FRMD4A: variants seen among roughly 807,000 people sequenced by gnomAD.
The protein encoded by FRMD4A is FERM domain-containing protein 4A.
In FRMD4A, 29 loss-of-function variants were observed where a neutral mutation model predicts 129.1. The ratio of observed to expected loss-of-function variants is 0.22; its 90% CI spans 0.17 to 0.31. FRMD4A has a LOEUF of 0.31. Ranked by LOEUF, FRMD4A falls within the 10% of genes least tolerant of loss-of-function variation. The pLI is 1.00. For synonymous variants in FRMD4A, 634 were observed against 571.6 expected (o/e 1.11, Z -1.56); for missense variants, 1,272 against 1,375.8 (o/e 0.92, Z 1.19).
intron 6 of FRMD4A, among the ~76,000 whole-genome samples, chr10:13,771,082 T>C (rs1381140812): frequency 1.3e-5 from 2 of 152,026 alleles, no homozygotes; most frequent in African/African-American, 4.8e-5. Context: ...TTACTTAAAC[T>C]CCATTTTTTT....
chr10:14,283,383 AG>A (rs1259692900), intron 2 of FRMD4A, among the ~76,000 whole-genome samples: 1 of 152,230 alleles, frequency 6.6e-6, no homozygotes, highest in African/African-American at 2.4e-5. Context: ...AAAATGTAAA[AG>A]AAACTACATA....
intron 15 of FRMD4A, among the ~76,000 whole-genome samples, chr10:13,687,419 C>T (rs1409492812): frequency 6.6e-6 from 1 of 152,190 alleles, no homozygotes; most frequent in Non-Finnish European, 1.5e-5. Context: ...TGTGTCTTCA[C>T]CTACAAAGAT....
At chr10:14,169,122 C>CATT (rs1841345595) in intron 2 of FRMD4A, among the ~76,000 whole-genome samples, 4 of 208 alleles carry the variant, frequency 0.019, no homozygotes, top group African/African-American at 0.051. Context: ...AAAAATTAAA[C>CATT]ATAAAAATAT....
chr10:14,265,951 T>C (rs891922612), intron 2 of FRMD4A, among the ~76,000 whole-genome samples: 2 of 152,172 alleles, frequency 1.3e-5, no homozygotes, highest in African/African-American at 4.8e-5. Context: ...GGTAAAGACC[T>C]TATCACATAG....
At chr10:14,011,834 C>T (rs2095683506) in intron 2 of FRMD4A, among the ~76,000 whole-genome samples, 1 of 152,024 alleles carries the variant, frequency 6.6e-6, no homozygotes, top group Non-Finnish European at 1.5e-5. Flanking sequence ...CATAGTGAAA[C>T]CCCGTCTCTA....
At position 14,184,394 on chromosome 10, in the gene FRMD4A, G is replaced by T. The variant is rs142753895; in HGVS notation, c.45+145664C>A. Reference sequence around the variant, plus strand: ...AAGTGCTGGGATGGATTACAGGCGTGAGCCACTGCAACTGAACCCATTTTC... The same window carrying T: ...AAGTGCTGGGATGGATTACAGGCGTTAGCCACTGCAACTGAACCCATTTTC... On this transcript the variant is annotated intron_variant, in intron 2 of 24. Coordinates refer to ENST00000357447, the MANE Select transcript of FRMD4A (RefSeq NM_018027.5). Among the ~76,000 whole-genome samples, 93 of 150,546 alleles carry T rather than the reference G, an allele frequency of 6.2e-4. 1 individual carries two copies. Among genetic ancestry groups the T allele is most frequent in the African/African-American group, 2.2e-3 (91 of 41,040 alleles).
intron 3 of FRMD4A, among the ~76,000 whole-genome samples, chr10:13,819,436 C>G (rs1474015142): frequency 6.6e-6 from 1 of 152,180 alleles, no homozygotes; most frequent in Non-Finnish European, 1.5e-5. Context: ...ATCCTGCCTA[C>G]AAATGCTCTC....
At chr10:14,272,795 AC>A (rs989372965) in intron 2 of FRMD4A, among the ~76,000 whole-genome samples, 1 of 152,198 alleles carries the variant, frequency 6.6e-6, no homozygotes, top group African/African-American at 2.4e-5. Flanking sequence ...TTAATCTCTT[AC>A]TTCACAATGG....
chr10:14,236,286 G>A (rs1017189433), intron 2 of FRMD4A, among the ~76,000 whole-genome samples: 2 of 152,250 alleles, frequency 1.3e-5, no homozygotes, highest in Non-Finnish European at 2.9e-5. Flanking sequence ...ATGAAGCGTG[G>A]ATGAAGAGCT....
chr10:13,873,169 A>G (rs10906526), intron 2 of FRMD4A, among the ~76,000 whole-genome samples: 1 of 149,744 alleles, frequency 6.7e-6, no homozygotes, highest in Non-Finnish European at 1.5e-5. Context: ...AGAGAGAGAC[A>G]CTGTCTCAAA....
intron 2 of FRMD4A, among the ~76,000 whole-genome samples, chr10:13,920,042 A>T (rs2095054576): frequency 1.3e-5 from 2 of 152,230 alleles, no homozygotes; most frequent in Admixed American, 6.5e-5. Flanking sequence ...AGCCAATTAG[A>T]ACTTCAGAAA....
chr10:13,858,510 A>T (rs1321125955), intron 3 of FRMD4A, among the ~76,000 whole-genome samples: 1 of 152,226 alleles, frequency 6.6e-6, no homozygotes, highest in African/African-American at 2.4e-5. Flanking sequence ...GGAAGACTAA[A>T]TCAATTTTAG....
At chr10:13,891,526 G>C (rs1331777457) in intron 2 of FRMD4A, 1 of 830,330 alleles carries the variant, frequency 1.2e-6, no homozygotes, top group African/African-American at 1.8e-5. Flanking sequence ...AAGCAGCGGC[G>C]CGTCCCTTTT....
At chr10:13,686,081 C>T (rs1564608985) in intron 15 of FRMD4A, among the ~76,000 whole-genome samples, 1 of 152,066 alleles carries the variant, frequency 6.6e-6, no homozygotes, top group Non-Finnish European at 1.5e-5. Flanking sequence ...GCACACGGTC[C>T]AGCATAAACA....
rs531464161 is a variant in FRMD4A, at chr10:13,808,301, T to C, written c.206+2513A>G. 3.3e-5 allele frequency among the ~76,000 whole-genome samples: 5 copies of C among 152,336 alleles called. No individual in the cohort carries two copies. The South Asian group carries it at 1.0e-3, about 32-fold the overall frequency. On this transcript the variant is annotated intron_variant, in intron 4 of 24. Transcript: ENST00000357447. ...TTGCATTTTACTGTAAAACACACAG[T>C]GTAGCACCTGTATAAAGCACAGACA...
chr10:13,985,822 C>T (rs79463951), intron 2 of FRMD4A, among the ~76,000 whole-genome samples: 3,353 of 152,336 alleles, frequency 0.022, 134 homozygotes, highest in African/African-American at 0.076. Flanking sequence ...TAGCGTACAG[C>T]CGCCCTCTAG....
At position 14,131,789 on chromosome 10, in the gene FRMD4A, C is replaced by T. The variant is rs74316326; in HGVS notation, c.45+198269G>A. 3.8e-3 allele frequency among the ~76,000 whole-genome samples: 574 copies of T among 152,242 alleles called. 4 individuals carry two copies. The highest frequency in any genetic ancestry group is 0.013 in the African/African-American group (521 of 41,548). On this transcript the variant is annotated intron_variant, in intron 2 of 24. Transcript: ENST00000357447. ...GTCTGGCCCTTCCTCTCCTTCCGCTCCCGCTAGAAGCTGTCCTAGCTGGGA... is the reference window on the plus strand; with the variant it reads ...GTCTGGCCCTTCCTCTCCTTCCGCTTCCGCTAGAAGCTGTCCTAGCTGGGA...
chr10:13,800,982 C>T (rs889582423), intron 4 of FRMD4A, among the ~76,000 whole-genome samples: 2 of 152,222 alleles, frequency 1.3e-5, no homozygotes, highest in Admixed American at 1.3e-4. Flanking sequence ...GGTACAGTGG[C>T]TCATGCCTGT....
chr10:13,804,303 C>T (rs911113188), intron 4 of FRMD4A, among the ~76,000 whole-genome samples: 8 of 152,164 alleles, frequency 5.3e-5, no homozygotes, highest in African/African-American at 1.9e-4. Flanking sequence ...GTTTCTTCTG[C>T]CACTGGAAAA....
Sources: allele counts gnomAD v4.1 joint callset (sites outside exome capture counted in the v4.1 genomes callset), GRCh38; gene constraint gnomAD v4.1.1; transcripts MANE v1.5; gene names NCBI Gene and HGNC (gene_info 2026-07-23, HGNC 2026-07-21).